The following PRMT8 variants were observed in gnomAD, a reference collection of about 807,000 sequenced individuals.
The protein encoded by PRMT8 is protein arginine methyltransferase 8.
Under a neutral mutation model 47.1 loss-of-function variants are expected in PRMT8, and 7 were observed. The observed-to-expected ratio is 0.15, with a 90% CI of 0.08 to 0.28. The LOEUF (loss-of-function observed/expected upper bound fraction) is 0.28. PRMT8 is among the 10% of genes least tolerant of loss of function. The pLI is 1.00. For synonymous variants in PRMT8, 188 were observed against 186.5 expected, an observed-to-expected ratio of 1.01 and a Z score of -0.07; for missense variants, 237 against 505.4, an observed-to-expected ratio of 0.47 and a Z score of 5.09.
At position 3,576,793 on chromosome 12, in the gene PRMT8, G is replaced by C; in HGVS notation, c.713-78G>C. On this transcript the variant is annotated intron_variant, in intron 6 of 9. Transcript: ENST00000382622. The surrounding 1 kb of genome is among the most constrained non-coding windows in gnomAD (Gnocchi z 4.0). ...CTGCCACTCAGCCCTCAGGCACGCT[G>C]TGCTCTAGGACTCAGGAGGGTTGGG... The C allele has an allele frequency of 3.6e-6, 4 of 1,125,400 alleles. No homozygotes were observed. Among genetic ancestry groups the C allele is most frequent in the Admixed American group, 1.8e-5 (1 of 54,776 alleles). 69.7% of individuals were successfully genotyped at this position (1,125,400 alleles called of 1,614,324 possible).
chr12:3,560,281 A>G (rs1866611405), intron 4 of PRMT8, among the ~76,000 whole-genome samples: 1 of 152,186 alleles, frequency 6.6e-6, no homozygotes, highest in African/African-American at 2.4e-5. Context: ...GTAGAGACAT[A>G]AATAACAACA....
intron 1 of PRMT8, among the ~76,000 whole-genome samples, chr12:3,421,247 T>A (rs1291811580): frequency 2.0e-5 from 3 of 152,190 alleles, no homozygotes; most frequent in African/African-American, 7.2e-5. Context: ...AAATCTGGCT[T>A]TGGCAGCCTC....
At chr12:3,513,974 G>A (rs973233568) in intron 1 of PRMT8, among the ~76,000 whole-genome samples, 2 of 152,168 alleles carry the variant, frequency 1.3e-5, no homozygotes, top group African/African-American at 4.8e-5. Context: ...TGGTGACTTA[G>A]CACATCTTGG....
At position 3,491,550 on chromosome 12, in the gene PRMT8, G is replaced by T; in HGVS notation, c.-76G>T. 6.7e-7 allele frequency: 1 copy of T among 1,496,254 alleles called. No homozygotes were observed. Among genetic ancestry groups the T allele is most frequent in the South Asian group, 1.3e-5 (1 of 76,254 alleles). 92.7% of individuals were successfully genotyped at this position (1,496,254 alleles called of 1,614,324 possible). On this transcript the variant is annotated 5_prime_UTR_variant, in exon 1 of 10. Transcript: ENST00000382622. ...ATTTTTTTTTTTCTCCCATCCTCTCGCTCTCTCTTTTAAAGCGACACCAGC... is the reference window on the plus strand; with the variant it reads ...ATTTTTTTTTTTCTCCCATCCTCTCTCTCTCTCTTTTAAAGCGACACCAGC...
Position 3,572,420 on chromosome 12 carries a change from G to A in PRMT8, c.712+2856G>A, listed in dbSNP as rs1207493922. Among the ~76,000 whole-genome samples, 1 of 151,992 alleles carries A rather than the reference G, an allele frequency of 6.6e-6. No individual in the cohort carries two copies. Among genetic ancestry groups the A allele is most frequent in the Non-Finnish European group, 1.5e-5 (1 of 67,984 alleles). On this transcript the variant is annotated intron_variant, in intron 6 of 9. Transcript: ENST00000382622. The surrounding 1 kb of genome is among the most constrained non-coding windows in gnomAD (Gnocchi z 5.9). ...CTATTCAATTTCATGCACAACCCATGAATTGTACCCAGTGCATGAATCTAC... is the reference window on the plus strand; with the variant it reads ...CTATTCAATTTCATGCACAACCCATAAATTGTACCCAGTGCATGAATCTAC...
rs118186751 is a variant in PRMT8 at position 3,431,889 on chromosome 12, T to G, written c.48+50447T>G. On this transcript the variant is annotated intron_variant, in intron 1 of 9. Transcript: ENST00000452611. ...CTGAGGCTTGAGCATATTTACCTAC[T>G]GGGAGGAACCTCGCTGGCAGCAGCA... is the stretch of plus-strand genomic sequence containing the variant. Among the ~76,000 whole-genome samples, 363 of 152,268 alleles carry G rather than the reference T, an allele frequency of 2.4e-3. 8 individuals carry two copies. Among genetic ancestry groups the G allele is most frequent in the South Asian group, 2.9e-3 (14 of 4,820 alleles).
intron 1 of PRMT8, among the ~76,000 whole-genome samples, chr12:3,471,059 G>A (rs1055767454): frequency 5.3e-5 from 8 of 152,142 alleles, no homozygotes; most frequent in East Asian, 3.9e-4. Context: ...ACCAAGTGAC[G>A]CAGCGCTCAG....
chr12:3,387,642 A>G (rs1027186953), intron 1 of PRMT8, among the ~76,000 whole-genome samples: 1 of 152,216 alleles, frequency 6.6e-6, no homozygotes, highest in Non-Finnish European at 1.5e-5. Flanking sequence ...AATGCTTATT[A>G]TGTGCCAAGA....
intron 1 of PRMT8, among the ~76,000 whole-genome samples, chr12:3,518,358 T>C (rs1211187333): frequency 2.0e-5 from 3 of 151,708 alleles, no homozygotes; most frequent in Non-Finnish European, 4.4e-5. Context: ...AGAGTTAAAT[T>C]TGTGAGTGTA....
intron 1 of PRMT8, among the ~76,000 whole-genome samples, chr12:3,520,905 A>G (rs936091644): frequency 6.6e-6 from 1 of 152,176 alleles, no homozygotes; most frequent in South Asian, 2.1e-4. Flanking sequence ...GAACTGGTCA[A>G]ACAAGTTGTA....
At chr12:3,424,754 A>G (rs913969407) in intron 1 of PRMT8, among the ~76,000 whole-genome samples, 5 of 152,198 alleles carry the variant, frequency 3.3e-5, no homozygotes, top group Admixed American at 2.6e-4. Context: ...TTGTTCACTT[A>G]TAATAACCAT....
rs1315282179 is a variant in PRMT8, at chr12:3,508,643, G to A, written c.75+16943G>A. Among the ~76,000 whole-genome samples the A allele has an allele frequency of 6.6e-6, 1 of 152,132 alleles. No individual in the cohort carries two copies. Among genetic ancestry groups the A allele is most frequent in the Admixed American group, 6.6e-5 (1 of 15,262 alleles). The stretch of plus-strand genomic sequence containing the variant: ...GTGCTGTGGGCTTGTTCCAGGCAGG[G>A]TTCTGGTCACCTTCTCTGCCTGCTG... On this transcript the variant is annotated intron_variant, in intron 1 of 9. Coordinates refer to ENST00000382622, the MANE Select transcript of PRMT8 (RefSeq NM_019854.5). This position sits in a 1 kb window ranked among gnomAD's most constrained non-coding sequence, Gnocchi z 4.9.
intron 1 of PRMT8, among the ~76,000 whole-genome samples, chr12:3,394,682 T>G (rs1470676952): frequency 2.6e-5 from 4 of 152,090 alleles, no homozygotes; most frequent in African/African-American, 9.7e-5. Flanking sequence ...CTTTTTTGGT[T>G]GTGTCTCTGC....
intron 4 of PRMT8, among the ~76,000 whole-genome samples, chr12:3,558,388 A>G (rs1347973222): frequency 6.6e-6 from 1 of 152,172 alleles, no homozygotes. Flanking sequence ...CCCTGAATAC[A>G]TTAGTGTGCA....
At chr12:3,544,666 C>T (rs549660002) in intron 2 of PRMT8, among the ~76,000 whole-genome samples, 6 of 152,276 alleles carry the variant, frequency 3.9e-5, no homozygotes, top group African/African-American at 1.4e-4. Flanking sequence ...AAGATGTTCC[C>T]GTGATGAGGC....
intron 1 of PRMT8, among the ~76,000 whole-genome samples, chr12:3,521,921 G>A (rs1217628505): frequency 2.9e-4 from 2 of 6,902 alleles, no homozygotes; most frequent in East Asian, 0.026. Flanking sequence ...TCAAACAATG[G>A]GAGCGACTTT....
chr12:3,546,036 A>G (rs1866323566), intron 2 of PRMT8, among the ~76,000 whole-genome samples: 1 of 152,238 alleles, frequency 6.6e-6, no homozygotes, highest in Non-Finnish European at 1.5e-5. Context: ...AACTGAGAAC[A>G]ATAAACTATC....
intron 1 of PRMT8, among the ~76,000 whole-genome samples, chr12:3,476,053 C>T (rs1372196117): frequency 6.6e-6 from 1 of 152,192 alleles, no homozygotes; most frequent in Non-Finnish European, 1.5e-5. Context: ...GGGACAATCT[C>T]ATTTGAGTAA....
intron 1 of PRMT8, among the ~76,000 whole-genome samples, chr12:3,506,562 C>T (rs981283034): frequency 2.0e-5 from 3 of 152,282 alleles, no homozygotes; most frequent in Admixed American, 1.3e-4. Flanking sequence ...CAGGGAGCCT[C>T]GTGACCCACA....
Sources: gnomAD v4.1 joint callset for allele counts (sites outside exome capture counted in the v4.1 genomes callset) on GRCh38, gnomAD v4.1.1 for gene constraint, Gnocchi (gnomAD v3.1) non-coding constraint, MANE v1.5 for transcripts, NCBI Gene and HGNC (gene_info 2026-07-23, HGNC 2026-07-21) for gene names.